TUSC3: variants seen among roughly 807,000 people sequenced by gnomAD.
TUSC3 encodes dolichyl-diphosphooligosaccharide--protein glycosyltransferase subunit TUSC3.
Under a neutral mutation model 44.8 loss-of-function variants are expected in TUSC3, and 45 were observed. The ratio of observed to expected loss-of-function variants is 1.00; its 90% CI spans 0.79 to 1.29. The LOEUF is 1.29. Among genes scored for constraint, TUSC3 ranks in the 50% most tolerant of loss-of-function variants. The pLI, the probability that TUSC3 is intolerant of heterozygous loss-of-function variation, is 0.00. For synonymous variants in TUSC3, 212 were observed against 152.9 expected (o/e 1.39, Z -2.85); for missense variants, 519 against 437.9 (o/e 1.19, Z -1.65).
chr8:15,653,561 A>C (rs963251658), intron 3 of TUSC3, among the ~76,000 whole-genome samples: 1 of 152,276 alleles, frequency 6.6e-6, no homozygotes, highest in East Asian at 1.9e-4. Flanking sequence ...ACATTTTCTC[A>C]GGTTAATTTT....
chr8:15,554,597 A>G (rs1290043384), intron 1 of TUSC3, among the ~76,000 whole-genome samples: 2 of 136,104 alleles, frequency 1.5e-5, no homozygotes, highest in East Asian at 2.2e-4. Flanking sequence ...GCATTTTACT[A>G]TAATTTTTTT....
chr8:15,694,885 C>T (rs1002642601), intron 6 of TUSC3, among the ~76,000 whole-genome samples: 8 of 152,196 alleles, frequency 5.3e-5, no homozygotes, highest in Non-Finnish European at 8.8e-5. Flanking sequence ...CAGTGAGATT[C>T]GTGCTGGTTC....
rs143733217 is a variant in TUSC3, at chr8:15,665,587, A to C, written c.708+3291A>C. ...TTTAGGGTGTAGGATGGAGATAGAA[A>C]GGTTGCAATTTCCTGACATAGGAAA... is the stretch of plus-strand genomic sequence containing the variant. On this transcript the variant is annotated intron_variant, in intron 5 of 10. Coordinates refer to ENST00000503731, the MANE Select transcript of TUSC3 (RefSeq NM_006765.4). Among the ~76,000 whole-genome samples the C allele has an allele frequency of 5.3e-5, 8 of 151,256 alleles. No individual in the cohort carries two copies. In the East Asian group the frequency reaches 1.6e-3, roughly 29 times the overall value.
intron 2 of TUSC3, 137 bp from the exon 3 acceptor site, chr8:15,650,560 T>C (rs970961222): frequency 1.5e-6 from 1 of 683,858 alleles, no homozygotes; most frequent in Non-Finnish European, 2.5e-6. Flanking sequence ...TAAAAAAAAA[T>C]ATTTTAAAAA....
intron 2 of TUSC3, among the ~76,000 whole-genome samples, chr8:15,624,881 G>T (rs1033792001): frequency 7.2e-5 from 11 of 151,954 alleles, no homozygotes; most frequent in Non-Finnish European, 1.2e-4. Context: ...AGATCCCAAA[G>T]ATCTTCTCCT....
chr8:15,705,897 T>G (rs1438095496), intron 6 of TUSC3, among the ~76,000 whole-genome samples: 7 of 152,072 alleles, frequency 4.6e-5, no homozygotes, highest in Admixed American at 4.6e-4. Flanking sequence ...CTAGTGTACC[T>G]TGAATCTCTG....
Position 15,730,734 on chromosome 8 carries a change from C to G in TUSC3, c.862+5C>G. 1 of 1,612,668 alleles carries G rather than the reference C, an allele frequency of 6.2e-7. No homozygotes were observed. Among genetic ancestry groups the G allele is most frequent in the Non-Finnish European group, 8.5e-7 (1 of 1,179,110 alleles). On this transcript the variant is annotated splice_donor_5th_base_variant and intron_variant, in intron 7 of 10. Transcript: ENST00000503731. ...CACACATTATTCTGGTACTGAGTAT[C>G]CTTTTAAGATACCGACGAATTGAAA... is the stretch of plus-strand genomic sequence containing the variant.
At chr8:15,578,903 C>T (rs565354491) in intron 1 of TUSC3, among the ~76,000 whole-genome samples, 12 of 152,240 alleles carry the variant, frequency 7.9e-5, no homozygotes, top group African/African-American at 2.9e-4. Flanking sequence ...ACCAGTTCCT[C>T]CTTGTACCTC....
At chr8:15,544,157 T>C (rs1034334254) in intron 1 of TUSC3, among the ~76,000 whole-genome samples, 3 of 152,174 alleles carry the variant, frequency 2.0e-5, no homozygotes, top group African/African-American at 7.2e-5. Context: ...TGTTAAGTGA[T>C]GTGAGTTTCT....
At chr8:15,433,559 C>A (rs1585786774) in intron 1 of TUSC3, among the ~76,000 whole-genome samples, 1 of 151,936 alleles carries the variant, frequency 6.6e-6, no homozygotes, top group Non-Finnish European at 1.5e-5. Context: ...TATAACAGCC[C>A]CTTCACACGT....
intron 1 of TUSC3, among the ~76,000 whole-genome samples, chr8:15,450,143 G>T (rs2129120155): frequency 6.6e-6 from 1 of 152,268 alleles, no homozygotes; most frequent in Admixed American, 6.5e-5. Context: ...TATAAAAAAA[G>T]TGTGAGAGGC....
At chr8:15,596,856 C>G (rs962845438) in intron 1 of TUSC3, among the ~76,000 whole-genome samples, 1 of 152,170 alleles carries the variant, frequency 6.6e-6, no homozygotes, top group Non-Finnish European at 1.5e-5. Context: ...TCTAATTGTA[C>G]TTAATTATTA....
chr8:15,567,778 TGTG>T (rs1286874366), intron 1 of TUSC3, among the ~76,000 whole-genome samples: 2 of 152,160 alleles, frequency 1.3e-5, no homozygotes, highest in Admixed American at 1.3e-4. Flanking sequence ...TACAAAATTT[TGTG>T]GTTATTGTGT....
chr8:15,566,292 G>A (rs189748362), intron 1 of TUSC3, among the ~76,000 whole-genome samples: 15 of 152,248 alleles, frequency 9.9e-5, no homozygotes, highest in Admixed American at 9.8e-4. Flanking sequence ...TTTATTGTCA[G>A]TGTATGTTCA....
chr8:15,590,862 C>T (rs545666910), intron 1 of TUSC3, among the ~76,000 whole-genome samples: 124 of 152,034 alleles, frequency 8.2e-4, no homozygotes, highest in African/African-American at 2.8e-3. Context: ...TTTGAGGAGA[C>T]GGAGTTTTGC....
chr8:15,449,114 C>T lies in TUSC3; in HGVS notation n.91+31809C>T, dbSNP rs1443858795. ...GCGTTGTAGCCTGTATATGGTCATTCTGACAAGCTGGGAAGTGAAGCCTCT... is the reference window on the plus strand; with the variant it reads ...GCGTTGTAGCCTGTATATGGTCATTTTGACAAGCTGGGAAGTGAAGCCTCT... On this transcript the variant is annotated intron_variant and non_coding_transcript_variant, in intron 1 of 5. Transcript: ENST00000503191. 2.0e-5 allele frequency among the ~76,000 whole-genome samples: 3 copies of T among 152,236 alleles called. No individual in the cohort carries two copies. The East Asian group carries it at 5.8e-4, about 29-fold the overall frequency.
chr8:15,623,642 G>A (rs1280064667), intron 2 of TUSC3, among the ~76,000 whole-genome samples: 1 of 151,808 alleles, frequency 6.6e-6, no homozygotes, highest in Non-Finnish European at 1.5e-5. Context: ...TACCGCCAAT[G>A]ATTAGAAATT....
chr8:15,470,790 G>A (rs1255478348), intron 1 of TUSC3, among the ~76,000 whole-genome samples: 1 of 152,062 alleles, frequency 6.6e-6, no homozygotes, highest in African/African-American at 2.4e-5. Context: ...TTTCTGTCAT[G>A]TCCCAAAGAT....
At chr8:15,688,966 ACCT>A (rs1808767996) in intron 6 of TUSC3, 1 of 228,456 alleles carries the variant, frequency 4.4e-6, no homozygotes, top group Non-Finnish European at 9.1e-6. Context: ...CATACAGGAG[ACCT>A]CTTTGCCCTG....
Sources: allele counts gnomAD v4.1 joint callset (sites outside exome capture counted in the v4.1 genomes callset), GRCh38; gene constraint gnomAD v4.1.1; transcripts MANE v1.5; gene names NCBI Gene and HGNC (gene_info 2026-07-23, HGNC 2026-07-21).